KRR1: variants seen among roughly 807,000 people sequenced by gnomAD.
KRR1 encodes the protein KRR1 small subunit processome component.
In KRR1, 23 loss-of-function variants were observed where a neutral mutation model predicts 50.0. The ratio of observed to expected loss-of-function variants is 0.46; its 90% CI spans 0.33 to 0.65. The LOEUF (loss-of-function observed/expected upper bound fraction) is 0.65, where lower values mean the gene tolerates loss of function less well. Ranked by LOEUF, KRR1 falls within the 30% of genes least tolerant of loss-of-function variation. KRR1 has a pLI of 0.02. For missense variants in KRR1, 419 were observed against 442.4 expected, an observed-to-expected ratio of 0.95 and a Z score of 0.47; for synonymous variants, 133 against 146.3, an observed-to-expected ratio of 0.91 and a Z score of 0.66.
chr12:75,499,028 CTTTT>C lies in KRR1; in HGVS notation c.*777_*780del. ...AAAAACCAACCTCATTCACATATGG[CTTTT>C]TTTTTAACCAATAACAATTAGGTGT... On this transcript the variant is annotated 3_prime_UTR_variant, in exon 10 of 10. Coordinates refer to ENST00000229214, the MANE Select transcript of KRR1 (RefSeq NM_007043.7). 2.4e-6 allele frequency: 3 copies of C among 1,269,616 alleles called. No homozygotes were observed. The highest frequency in any genetic ancestry group is 3.2e-6 in the Non-Finnish European group (3 of 932,520). The allele number at this position is 1,269,616 out of a possible 1,614,324, so 78.6% of individuals were successfully genotyped here. A position where few individuals can be genotyped will look rare whatever the true frequency, so the allele number is the denominator to read the frequency against.
In KRR1 at chr12:75,506,895, G is replaced by C; in HGVS notation, c.280C>G (p.Leu94Val). The C allele has an allele frequency of 6.2e-7, 1 of 1,603,460 alleles. No homozygotes were observed. Among genetic ancestry groups the C allele is most frequent in the Non-Finnish European group, 8.5e-7 (1 of 1,176,442 alleles). Reference sequence around the variant, plus strand: ...CAAACAGTCATGCTGCCTTCGATCAGGTCCAGGGTTGCATTAACATGCTAC... The same window carrying C: ...CAAACAGTCATGCTGCCTTCGATCACGTCCAGGGTTGCATTAACATGCTAC... Reference protein sequence around the residue: ...NEHHVNATLDLIEGSMTVCTT... With the variant: ...NEHHVNATLDVIEGSMTVCTT... Residue 94 changes from leucine to valine, a missense_variant, in exon 3 of 10, where the codon CTG becomes GTG. Leu to Val is a conservative substitution (Grantham distance 32, BLOSUM62 1). Transcript: ENST00000229214.
chr12:75,495,997 GTTTT>G lies in KRR1; in HGVS notation c.*3808_*3811del, dbSNP rs370713345. The G allele has an allele frequency of 1.3e-4, 17 of 132,332 alleles. No individual in the cohort carries two copies. In the East Asian group the frequency reaches 2.8e-3, roughly 22 times the overall value. The allele number at this position is 132,332 out of a possible 1,614,324, so 8.2% of individuals were successfully genotyped here. The stretch of plus-strand genomic sequence containing the variant: ...TCCAAACAAACAGAATTCTGTTTTC[GTTTT>G]TTTTTTTGTTTTTTTTTTTTGAGAC... On this transcript the variant is annotated 3_prime_UTR_variant, in exon 10 of 10. Transcript: ENST00000229214.
chr12:75,511,296 A>G (rs182705865), intron 1 of KRR1, among the ~76,000 whole-genome samples: 2 of 152,160 alleles, frequency 1.3e-5, no homozygotes, highest in East Asian at 3.9e-4. Flanking sequence ...CGCTTTGGGG[A>G]CCCTTTAGCA....
chr12:75,507,435 C>A (rs986563843), intron 2 of KRR1, among the ~76,000 whole-genome samples: 29 of 152,174 alleles, frequency 1.9e-4, no homozygotes, highest in Admixed American at 5.2e-4. Context: ...CAGGAAAAAA[C>A]AGATTTCAAC....
In KRR1 at chr12:75,503,802, T is replaced by C. The variant is rs1697751; in HGVS notation, c.831+102A>G. ...GCTCTGCACACACACACACAATATA[T>C]ATATATACACATATCCCACCTGAAA... On this transcript the variant is annotated intron_variant, in intron 7 of 9. Coordinates refer to ENST00000229214, the MANE Select transcript of KRR1 (RefSeq NM_007043.7). 6,786 of 1,026,340 alleles carry C rather than the reference T, an allele frequency of 6.6e-3. 302 individuals are homozygous for C. In the African/African-American group the frequency reaches 0.097, roughly 15 times the overall value. 63.6% of individuals were successfully genotyped at this position (1,026,340 alleles called of 1,614,324 possible).
rs1375241251 is a variant in KRR1 at position 75,493,243 on chromosome 12, G to A, written c.*6566C>T. ...CAGTCTGGATGGAAAATGGATTAGA[G>A]GAGCATAAAAGGTAAAACAGAGAGA... On this transcript the variant is annotated 3_prime_UTR_variant, in exon 10 of 10. Transcript: ENST00000229214. 1.3e-5 allele frequency: 2 copies of A among 152,158 alleles called. No individual in the cohort carries two copies. Among genetic ancestry groups the A allele is most frequent in the African/African-American group, 4.8e-5 (2 of 41,448 alleles). 9.4% of individuals were successfully genotyped at this position (152,158 alleles called of 1,614,324 possible).
intron 5 of KRR1, 141 bp from the exon 6 acceptor site, chr12:75,505,395 T>G: frequency 1.3e-6 from 1 of 780,204 alleles, no homozygotes; most frequent in Non-Finnish European, 1.9e-6. Flanking sequence ...TCAACTGCTC[T>G]GAGTGGCTTC....
In KRR1 at chr12:75,498,581, A is replaced by C. The variant is rs187128127; in HGVS notation, c.*1228T>G. The C allele has an allele frequency of 3.8e-6, 3 of 799,322 alleles. No homozygotes were observed. Among genetic ancestry groups the C allele is most frequent in the Non-Finnish European group, 6.2e-6 (3 of 484,966 alleles). 49.5% of individuals were successfully genotyped at this position (799,322 alleles called of 1,614,324 possible). A position where few individuals can be genotyped will look rare whatever the true frequency, so the allele number is the denominator to read the frequency against. Reference sequence around the variant, plus strand: ...TAATTAAACTTGGAAAGTCACTGCAATAAAGCCAAAGCAAGTTAATGGTCA... The same window carrying C: ...TAATTAAACTTGGAAAGTCACTGCACTAAAGCCAAAGCAAGTTAATGGTCA... On this transcript the variant is annotated 3_prime_UTR_variant, in exon 10 of 10. Transcript: ENST00000229214.
Position 75,495,708 on chromosome 12 carries a change from A to G in KRR1, c.*4101T>C, listed in dbSNP as rs374976311. ...ACCAATAGAATAACATAATAGTAAC[A>G]TGTAACTTTCTACAGAATTAACAAT... is the stretch of plus-strand genomic sequence containing the variant. On this transcript the variant is annotated 3_prime_UTR_variant, in exon 10 of 10. Transcript: ENST00000229214. 6.8e-4 allele frequency: 727 copies of G among 1,065,868 alleles called. No homozygotes were observed. Among genetic ancestry groups the G allele is most frequent in the Non-Finnish European group, 8.6e-4 (599 of 694,498 alleles). 66.0% of individuals were successfully genotyped at this position (1,065,868 alleles called of 1,614,324 possible). A position where few individuals can be genotyped will look rare whatever the true frequency, so the allele number is the denominator to read the frequency against.
At chr12:75,500,535 A>G (rs1480004) in intron 9 of KRR1, 94,127 of 151,610 alleles carry the variant, frequency 0.62, 29,380 homozygotes, top group South Asian at 0.67. Context: ...ATATTAATTC[A>G]ATGAATGACT....
Position 75,501,446 on chromosome 12 carries a change from C to T in KRR1, c.1003+277G>A, listed in dbSNP as rs1051268983. On this transcript the variant is annotated intron_variant, in intron 9 of 9. Transcript: ENST00000229214. ...TGCATTTCTACAGAAGATGCACTGGCTGCCCTGGGTTTGTATCTTTCACAA... is the reference window on the plus strand; with the variant it reads ...TGCATTTCTACAGAAGATGCACTGGTTGCCCTGGGTTTGTATCTTTCACAA... 4 of 303,770 alleles carry T rather than the reference C, an allele frequency of 1.3e-5. No homozygotes were observed. In the Admixed American group the frequency reaches 1.4e-4, roughly 10 times the overall value. The allele number at this position is 303,770 out of a possible 1,614,324, so 18.8% of individuals were successfully genotyped here. A position where few individuals can be genotyped will look rare whatever the true frequency, so the allele number is the denominator to read the frequency against.
intron 1 of KRR1, among the ~76,000 whole-genome samples, chr12:75,510,999 G>A (rs565223543): frequency 6.6e-6 from 1 of 152,250 alleles, no homozygotes; most frequent in South Asian, 2.1e-4. Flanking sequence ...AAACAGTAAG[G>A]GCTGTGTCGT....
At chr12:75,509,512 T>C (rs1475018101) in intron 1 of KRR1, among the ~76,000 whole-genome samples, 4 of 152,042 alleles carry the variant, frequency 2.6e-5, no homozygotes, top group Admixed American at 1.3e-4. Context: ...CTAGTCTTCA[T>C]ATAAAGGATT....
rs1247624509 is a variant in KRR1 at position 75,497,786 on chromosome 12, T to C, written c.*2023A>G. 3.3e-5 allele frequency: 5 copies of C among 152,206 alleles called. No individual in the cohort carries two copies. In the East Asian group the frequency reaches 5.8e-4, roughly 18 times the overall value. 9.4% of individuals were successfully genotyped at this position (152,206 alleles called of 1,614,324 possible). Reference sequence around the variant, plus strand: ...ATACCCTTGGAGGCCAAATCAGGACTGTTTTACAAAATGTGCTGGGCATAT... The same window carrying C: ...ATACCCTTGGAGGCCAAATCAGGACCGTTTTACAAAATGTGCTGGGCATAT... On this transcript the variant is annotated 3_prime_UTR_variant, in exon 10 of 10. Transcript: ENST00000229214.
In KRR1 at chr12:75,508,440, G is replaced by A; in HGVS notation, c.92C>T (p.Ser31Leu). 1.3e-6 allele frequency: 2 copies of A among 1,596,300 alleles called. No individual in the cohort carries two copies. Among genetic ancestry groups the A allele is most frequent in the African/African-American group, 2.7e-5 (2 of 73,568 alleles). Residue 31 changes from serine to leucine, a missense_variant, in exon 2 of 10, where the codon TCA (serine) becomes TTA (leucine). By Grantham distance (145) the Ser-to-Leu change is moderately radical. Transcript: ENST00000229214. ...ACCATCAGGAACCGTAAGGAGTTCT[G>A]ATTCATCTACAGAAAGGAAAAAATT... ...QKPKPENQDESELLTVPDGWK... is the reference protein window; with the variant it reads ...QKPKPENQDELELLTVPDGWK...
At position 75,508,444 on chromosome 12, in the gene KRR1, C is replaced by T. The variant is rs2046432532; in HGVS notation, c.88G>A (p.Glu30Lys). 6.3e-7 allele frequency: 1 copy of T among 1,588,184 alleles called. No homozygotes were observed. The highest frequency in any genetic ancestry group is 8.5e-7 in the Non-Finnish European group (1 of 1,171,294). The change falls in exon 2 of 10, where the codon GAA becomes AAA. Residue 30 changes from glutamate to lysine, a missense_variant and splice_region_variant. Physicochemically the swap from Glu to Lys is moderately conservative, Grantham distance 56. Transcript: ENST00000229214. ...TCAGGAACCGTAAGGAGTTCTGATT[C>T]ATCTACAGAAAGGAAAAAATTTACA... ...NQKPKPENQD[E>K]SELLTVPDGW...
intron 2 of KRR1, 71 bp from the exon 3 acceptor site, chr12:75,506,987 T>A: frequency 7.7e-7 from 1 of 1,292,542 alleles, no homozygotes; most frequent in Non-Finnish European, 1.0e-6. Context: ...AAGCCTCTCC[T>A]AACCAACCTA....
Position 75,499,740 on chromosome 12 carries a change from C to G in KRR1, c.*69G>C, listed in dbSNP as rs747624039. The G allele has an allele frequency of 1.6e-6, 2 of 1,218,186 alleles. No individual in the cohort carries two copies. The highest frequency in any genetic ancestry group is 2.2e-6 in the Non-Finnish European group (2 of 896,556). 75.5% of individuals were successfully genotyped at this position (1,218,186 alleles called of 1,614,324 possible). ...CTCAGAAAATTTCTCACAAATAAGG[C>G]AACTAATGCCTGATATCTCAAAATC... On this transcript the variant is annotated 3_prime_UTR_variant, in exon 10 of 10. Coordinates refer to ENST00000229214, the MANE Select transcript of KRR1 (RefSeq NM_007043.7).
rs1452712341 is a variant in KRR1, at chr12:75,499,921, C to A, written c.1034G>T (p.Ser345Ile). 6.2e-7 allele frequency: 1 copy of A among 1,605,020 alleles called. No homozygotes were observed. ...TGCTTTCTTAACCTTTTCCTTGATG[C>A]TGGCCACATCAATTTTAGTTTCAGT... is the stretch of plus-strand genomic sequence containing the variant. ...ASTETKIDVA[S>I]IKEKVKKAKN... Residue 345 changes from serine (S) to isoleucine (I), a missense_variant, in exon 10 of 10, where the codon AGC becomes ATC. Coordinates refer to ENST00000229214, the MANE Select transcript of KRR1 (RefSeq NM_007043.7).
Sources: allele counts gnomAD v4.1 joint callset (sites outside exome capture counted in the v4.1 genomes callset), GRCh38; gene constraint gnomAD v4.1.1; transcripts MANE v1.5; gene names NCBI Gene and HGNC (gene_info 2026-07-23, HGNC 2026-07-21).